Variants in DLEC1 observed in about 807,000 individuals in gnomAD.
The protein encoded by DLEC1 is DLEC1 cilia and flagella associated protein, also known as deleted in lung and esophageal cancer protein 1.
A neutral mutation model predicts 198.1 loss-of-function variants in DLEC1; 146 were observed. The observed-to-expected ratio is 0.74, with a 90% confidence interval of 0.64 to 0.85. DLEC1 has a LOEUF of 0.85. Ranked by LOEUF, DLEC1 falls within the 40% of genes least tolerant of loss-of-function variation. The pLI, the probability that DLEC1 is intolerant of heterozygous loss-of-function variation, is 0.00. For synonymous variants in DLEC1, 897 were observed against 866.8 expected (o/e 1.03, Z -0.61); for missense variants, 2,233 against 2,220.0 (o/e 1.01, Z -0.12).
chr3:38,069,753 C>G (rs1389863137), intron 6 of DLEC1, among the ~76,000 whole-genome samples: 1 of 152,218 alleles, frequency 6.6e-6, no homozygotes, highest in Non-Finnish European at 1.5e-5. Context: ...TAGTGAAAGC[C>G]TTGGTAATTG....
chr3:38,092,859 A>G lies in DLEC1; in HGVS notation c.1735A>G (p.Ile579Val), dbSNP rs750259901. The part of the protein sequence containing the change: ...TFIIMCDNCQ[I>V]KELVTIGIGQ... Reference sequence around the variant, plus strand: ...CATCATCATGTGCGACAACTGCCAGATAAAGGAGCTGGTGACCATAGGTGG... The same window carrying G: ...CATCATCATGTGCGACAACTGCCAGGTAAAGGAGCTGGTGACCATAGGTGG... Residue 579 changes from isoleucine (I) to valine (V), a missense_variant, in exon 11 of 37, where the codon ATA (isoleucine) becomes GTA (valine). By Grantham distance (29) the Ile-to-Val change is conservative. Coordinates refer to ENST00000308059, the MANE Select transcript of DLEC1 (RefSeq NM_007335.4). 18 of 1,614,100 alleles carry G rather than the reference A, an allele frequency of 1.1e-5. No homozygotes were observed. In the East Asian group the frequency reaches 4.0e-4, roughly 36 times the overall value.
chr3:38,096,089 C>A lies in DLEC1; in HGVS notation c.2171+143C>A, dbSNP rs2125695875. 7.5e-6 allele frequency: 7 copies of A among 931,482 alleles called. No homozygotes were observed. In the East Asian group the frequency reaches 1.6e-4, roughly 21 times the overall value. The allele number at this position is 931,482 out of a possible 1,614,324, so 57.7% of individuals were successfully genotyped here. On this transcript the variant is annotated intron_variant, in intron 14 of 36. Transcript: ENST00000308059. Reference sequence around the variant, plus strand: ...TGGGGAGTGAGAGCATTTTTTTTGCCTTGCCCTGGCAACCCAGCCCTGCAA... The same window carrying A: ...TGGGGAGTGAGAGCATTTTTTTTGCATTGCCCTGGCAACCCAGCCCTGCAA...
At chr3:38,065,303 C>T (rs545785095) in intron 6 of DLEC1, among the ~76,000 whole-genome samples, 62 of 151,988 alleles carry the variant, frequency 4.1e-4, no homozygotes, top group African/African-American at 1.1e-3. Context: ...GTCCAGCCTC[C>T]GCTCGGCATC....
chr3:38,120,219 T>G (rs1700378156), intron 33 of DLEC1, among the ~76,000 whole-genome samples: 1 of 152,236 alleles, frequency 6.6e-6, no homozygotes, highest in Non-Finnish European at 1.5e-5. Context: ...CCTTCCCTTC[T>G]AGCCTCTGAC....
At chr3:38,067,863 C>G (rs1285613395) in intron 6 of DLEC1, among the ~76,000 whole-genome samples, 1 of 151,102 alleles carries the variant, frequency 6.6e-6, no homozygotes, top group Non-Finnish European at 1.5e-5. Context: ...AGCAATTCTC[C>G]CACTTCAGCC....
intron 2 of DLEC1, among the ~76,000 whole-genome samples, chr3:38,050,608 T>G (rs1200431997): frequency 6.6e-6 from 1 of 151,824 alleles, no homozygotes; most frequent in Non-Finnish European, 1.5e-5. Context: ...TGCCCCCACC[T>G]AGGGCATTCA....
intron 11 of DLEC1, 148 bp downstream of exon 11, chr3:38,093,028 G>C: frequency 1.3e-6 from 1 of 780,178 alleles, no homozygotes; most frequent in Non-Finnish European, 2.1e-6. Context: ...CCAGGTGCCA[G>C]AGTCTCGTTT....
chr3:38,098,872 C>T (rs1699165172), intron 18 of DLEC1, among the ~76,000 whole-genome samples: 1 of 152,114 alleles, frequency 6.6e-6, no homozygotes. Context: ...ATCAAATTGC[C>T]AACGCCATTG....
intron 9 of DLEC1, among the ~76,000 whole-genome samples, chr3:38,087,884 T>C (rs1327067743): frequency 6.6e-6 from 1 of 152,180 alleles, no homozygotes; most frequent in Non-Finnish European, 1.5e-5. Context: ...CAGACACATA[T>C]GCTAGCACCT....
rs777652455 is a variant in DLEC1 at position 38,085,410 on chromosome 3, C to A, written c.1398C>A (p.Ile466=). Residue 466 remains isoleucine (I), a synonymous_variant, in exon 8 of 37, where the codon ATC becomes ATA. Coordinates refer to ENST00000308059, the MANE Select transcript of DLEC1 (RefSeq NM_007335.4). ...CCCAGTCAGCCCACACACTTCTGAT[C>A]CCCCTGCAGGCCCGGAGGCCGCCCC... ...VETQSAHTLL[I]PLQARRPPPV... 3.1e-6 allele frequency: 5 copies of A among 1,614,052 alleles called. No individual in the cohort carries two copies. The Admixed American group carries it at 8.3e-5, about 27-fold the overall frequency.
intron 34 of DLEC1, among the ~76,000 whole-genome samples, chr3:38,121,214 T>C (rs1026009076): frequency 6.6e-6 from 1 of 152,070 alleles, no homozygotes; most frequent in Admixed American, 6.5e-5. Flanking sequence ...TGCCTGAGTG[T>C]GATGCAGGGG....
chr3:38,094,734 T>G (rs920028421), intron 12 of DLEC1, 145 bp from the exon 13 acceptor site: 9 of 864,364 alleles, frequency 1.0e-5, no homozygotes, highest in South Asian at 5.3e-5. Context: ...GGGTCCTCCA[T>G]TGGAAGGGTG....
intron 10 of DLEC1, among the ~76,000 whole-genome samples, chr3:38,090,521 T>C (rs1698688800): frequency 6.6e-6 from 1 of 152,230 alleles, no homozygotes; most frequent in Admixed American, 6.5e-5. Flanking sequence ...AGTTCAGCAG[T>C]CTCCTGCTGA....
chr3:38,116,419 T>C, intron 27 of DLEC1, 34 bp from the exon 28 acceptor site: 1 of 1,612,330 alleles, frequency 6.2e-7, no homozygotes, highest in Non-Finnish European at 8.5e-7. Context: ...TGCTCCTCCC[T>C]TATTCCTCAC....
chr3:38,113,764 C>G (rs1700006311), intron 25 of DLEC1, among the ~76,000 whole-genome samples: 1 of 151,956 alleles, frequency 6.6e-6, no homozygotes, highest in Non-Finnish European at 1.5e-5. Context: ...AGCATGCTCC[C>G]CATTTATATC....
intron 33 of DLEC1, among the ~76,000 whole-genome samples, chr3:38,119,662 C>G (rs1700355239): frequency 6.6e-6 from 1 of 151,998 alleles, no homozygotes; most frequent in Admixed American, 6.6e-5. Context: ...CCCACCTCGG[C>G]CTCCCAAGTA....
In DLEC1 at chr3:38,039,500, T is replaced by C. The variant is rs1231511127; in HGVS notation, c.275T>C (p.Ile92Thr). 1.9e-6 allele frequency: 3 copies of C among 1,614,044 alleles called. No individual in the cohort carries two copies. Among genetic ancestry groups the C allele is most frequent in the Non-Finnish European group, 1.7e-6 (2 of 1,179,908 alleles). ...CCCTCCTCGCTGCGCACCCAAGATA[T>C]CTCGCACTTGCTCACCGGCGTCTTC... ...LRPSSLRTQD[I>T]SHLLTGVFRN... The change falls in exon 1 of 37, where the codon ATC becomes ACC. Residue 92 changes from isoleucine (I) to threonine (T), a missense_variant. Ile to Thr is a moderately conservative substitution (Grantham distance 89). Transcript: ENST00000308059.
intron 1 of DLEC1, among the ~76,000 whole-genome samples, chr3:38,039,924 C>T (rs1700576391): frequency 1.3e-5 from 2 of 152,300 alleles, no homozygotes; most frequent in Middle Eastern, 6.8e-3. Flanking sequence ...TGAACGACTG[C>T]GGCAGACCGC....
At chr3:38,097,701 C>T (rs774578004) in intron 17 of DLEC1, 43 bp from the exon 18 acceptor site, 1 of 1,613,456 alleles carries the variant, frequency 6.2e-7, no homozygotes, top group Admixed American at 1.7e-5. Context: ...GGACACTGAG[C>T]CATCCCCAGG....
Sources: gnomAD v4.1 joint callset for allele counts (sites outside exome capture counted in the v4.1 genomes callset) on GRCh38, gnomAD v4.1.1 for gene constraint, MANE v1.5 for transcripts, NCBI Gene and HGNC (gene_info 2026-07-23, HGNC 2026-07-21) for gene names.